Variants in SLC7A1 observed in about 807,000 individuals in gnomAD.
SLC7A1 encodes the protein high affinity cationic amino acid transporter 1.
A neutral mutation model predicts 53.9 loss-of-function variants in SLC7A1; 10 were observed. The ratio of observed to expected loss-of-function variants is 0.19; its 90% CI spans 0.11 to 0.31. SLC7A1 has a LOEUF of 0.31. SLC7A1 is among the 10% of genes least tolerant of loss of function. SLC7A1 has a pLI of 1.00. For synonymous variants in SLC7A1, 342 were observed against 338.7 expected (o/e 1.01, Z -0.11); for missense variants, 525 against 827.2 (o/e 0.63, Z 4.48).
chr13:29,517,627 T>C lies in SLC7A1; in HGVS notation c.1456A>G (p.Met486Val), dbSNP rs1408329679. 6.2e-6 allele frequency: 10 copies of C among 1,614,234 alleles called. No homozygotes were observed. Among genetic ancestry groups the C allele is most frequent in the Non-Finnish European group, 7.6e-6 (9 of 1,180,032 alleles). The change falls in exon 10 of 13, where the codon ATG becomes GTG. Residue 486 changes from methionine to valine, a missense_variant. This residue lies in a region of SLC7A1 where 122 missense variants were observed against 140.9 expected (regional missense o/e 0.87). Transcript: ENST00000380752. Reference sequence around the variant, plus strand: ...AGCCCAGAGATTTTGGAAGGCTCCATGTTTTTGGGTGAGAGTATGGTTTTC... The same window carrying C: ...AGCCCAGAGATTTTGGAAGGCTCCACGTTTTTGGGTGAGAGTATGGTTTTC... Reference protein sequence around the residue: ...SLKTILSPKNMEPSKISGLIV... With the variant: ...SLKTILSPKNVEPSKISGLIV...
At chr13:29,546,868 C>T (rs909820288) in intron 2 of SLC7A1, among the ~76,000 whole-genome samples, 1 of 152,206 alleles carries the variant, frequency 6.6e-6, no homozygotes, top group Non-Finnish European at 1.5e-5. Context: ...TCACACAACA[C>T]CAGCTCCACG....
rs1238189095 is a variant in SLC7A1 at position 29,524,058 on chromosome 13, A to G, written c.826+74T>C. On this transcript the variant is annotated intron_variant, in intron 6 of 12. Transcript: ENST00000380752. The stretch of plus-strand genomic sequence containing the variant: ...CGGCGACTGGACCGTGCCAGCAAGG[A>G]GGGAAATGGCAAGCATTGGCTTGTT... The G allele has an allele frequency of 6.8e-6, 10 of 1,473,824 alleles. No individual in the cohort carries two copies. The South Asian group carries it at 1.0e-4, about 15-fold the overall frequency. 91.3% of individuals were successfully genotyped at this position (1,473,824 alleles called of 1,614,324 possible).
chr13:29,524,464 G>A (rs1006543979), intron 5 of SLC7A1, among the ~76,000 whole-genome samples: 10 of 152,188 alleles, frequency 6.6e-5, no homozygotes, highest in Admixed American at 1.3e-4. Flanking sequence ...GGGTCACAAG[G>A]GTGCAGAGTA....
At chr13:29,531,469 C>T (rs1227286879) in intron 4 of SLC7A1, among the ~76,000 whole-genome samples, 1 of 152,214 alleles carries the variant, frequency 6.6e-6, no homozygotes, top group East Asian at 1.9e-4. Context: ...AAAAGTGGCA[C>T]AGAAGGGGTT....
intron 1 of SLC7A1, among the ~76,000 whole-genome samples, chr13:29,583,126 T>C (rs1006242962): frequency 2.0e-5 from 3 of 152,248 alleles, no homozygotes; most frequent in Non-Finnish European, 4.4e-5. Flanking sequence ...TCATTAGGTC[T>C]AGACCTGGCA....
At position 29,515,236 on chromosome 13, in the gene SLC7A1, G is replaced by A. The variant is rs567195335; in HGVS notation, c.1787-653C>T. ...GCCCAGGAAAGGAGCTCAGGCTCCT[G>A]CACACAGGGACTTTGACAGGGATGC... On this transcript the variant is annotated intron_variant, in intron 12 of 12. Coordinates refer to ENST00000380752, the MANE Select transcript of SLC7A1 (RefSeq NM_003045.5). Among the ~76,000 whole-genome samples, 16 of 152,354 alleles carry A rather than the reference G, an allele frequency of 1.1e-4. 1 individual carries two copies. The highest frequency in any genetic ancestry group is 2.2e-4 in the African/African-American group (9 of 41,594).
intron 5 of SLC7A1, among the ~76,000 whole-genome samples, chr13:29,527,296 G>A (rs774289689): frequency 1.3e-5 from 2 of 152,078 alleles, no homozygotes; most frequent in South Asian, 2.1e-4. Context: ...AGAAAGGAAC[G>A]CATTGTAAAT....
rs569634914 is a variant in SLC7A1 at position 29,561,711 on chromosome 13, CA to C, written c.-114-7852del. On this transcript the variant is annotated intron_variant, in intron 1 of 12. Transcript: ENST00000380752. ...ATAAAGACCTCAGCGTCCCTGGAAC[CA>C]CAAGGGCAGGCCCCAGGCATCACCG... is the stretch of plus-strand genomic sequence containing the variant. 5.1e-4 allele frequency among the ~76,000 whole-genome samples: 77 copies of C among 152,274 alleles called. 1 individual carries two copies. Among genetic ancestry groups the C allele is most frequent in the African/African-American group, 1.7e-3 (71 of 41,560 alleles).
intron 2 of SLC7A1, among the ~76,000 whole-genome samples, chr13:29,546,251 C>A (rs146392308): frequency 6.6e-6 from 1 of 152,176 alleles, no homozygotes; most frequent in Admixed American, 6.5e-5. Context: ...AGTTCCCTGC[C>A]GGCACTGCAT....
At chr13:29,518,774 T>C (rs1476381695) in intron 9 of SLC7A1, among the ~76,000 whole-genome samples, 2 of 152,024 alleles carry the variant, frequency 1.3e-5, no homozygotes, top group African/African-American at 4.8e-5. Flanking sequence ...GGGAGACCAG[T>C]GCTGAGCGTC....
intron 1 of SLC7A1, among the ~76,000 whole-genome samples, chr13:29,576,267 G>A (rs970539396): frequency 8.4e-6 from 1 of 118,542 alleles, no homozygotes; most frequent in Non-Finnish European, 1.6e-5. Flanking sequence ...ACTTCAGCCT[G>A]GGTATCAGTA....
At chr13:29,543,785 A>C (rs935258419) in intron 2 of SLC7A1, among the ~76,000 whole-genome samples, 3 of 120,588 alleles carry the variant, frequency 2.5e-5, no homozygotes, top group Non-Finnish European at 5.1e-5. Context: ...GAGGTTCTAC[A>C]GGAGGAGGGA....
At chr13:29,548,752 T>C (rs978783503) in intron 2 of SLC7A1, among the ~76,000 whole-genome samples, 8 of 152,266 alleles carry the variant, frequency 5.3e-5, no homozygotes, top group African/African-American at 1.7e-4. Flanking sequence ...AAGCAAATGC[T>C]GTGACCTTTC....
At chr13:29,550,274 C>A (rs1405073981) in intron 2 of SLC7A1, among the ~76,000 whole-genome samples, 1 of 152,234 alleles carries the variant, frequency 6.6e-6, no homozygotes, top group Non-Finnish European at 1.5e-5. Flanking sequence ...CGGCTCAGGG[C>A]ATCCATGCTG....
intron 4 of SLC7A1, 89 bp downstream of exon 4, chr13:29,532,735 G>A: frequency 5.1e-6 from 6 of 1,175,002 alleles, no homozygotes; most frequent in Non-Finnish European, 7.2e-6. Flanking sequence ...TGGTTAAAGA[G>A]ATAAGTAAAG....
rs113038821 is a variant in SLC7A1 at position 29,519,673 on chromosome 13, G to C, written c.1190-124C>G. The C allele has an allele frequency of 7.6e-3, 4,323 of 565,124 alleles. 129 individuals carry two copies. The African/African-American group carries it at 0.085, about 11-fold the overall frequency. 35.0% of individuals were successfully genotyped at this position (565,124 alleles called of 1,614,324 possible). On this transcript the variant is annotated intron_variant, in intron 8 of 12. Transcript: ENST00000380752. ...CTGCTTTTACTCCCACCCCCTCCCT[G>C]GCCTTCCCATGGAAAGACACAGCTT...
chr13:29,565,182 G>A (rs1428054868), intron 1 of SLC7A1, among the ~76,000 whole-genome samples: 2 of 152,244 alleles, frequency 1.3e-5, no homozygotes, highest in Non-Finnish European at 2.9e-5. Context: ...TGATGTTTCT[G>A]TCTGCCAGTG....
intron 1 of SLC7A1, among the ~76,000 whole-genome samples, chr13:29,560,395 G>A (rs1870699517): frequency 6.6e-6 from 1 of 151,422 alleles, no homozygotes; most frequent in Admixed American, 6.6e-5. Context: ...AGGACTACAC[G>A]CTAAAATAAC....
intron 1 of SLC7A1, among the ~76,000 whole-genome samples, chr13:29,555,643 T>C (rs1870407636): frequency 6.6e-6 from 1 of 151,276 alleles, no homozygotes; most frequent in Admixed American, 6.6e-5. Flanking sequence ...GGATTCGTAG[T>C]TTAAAAAGTT....
Sources: gnomAD v4.1 joint callset for allele counts (sites outside exome capture counted in the v4.1 genomes callset) on GRCh38, gnomAD v4.1.1 for gene constraint, gnomAD v4.1.1 regional missense constraint, MANE v1.5 for transcripts, NCBI Gene and HGNC (gene_info 2026-07-23, HGNC 2026-07-21) for gene names.